The following UBAP1 variants were observed in gnomAD, a reference collection of about 807,000 sequenced individuals.
The protein encoded by UBAP1 is ubiquitin-associated protein 1.
In UBAP1, 5 loss-of-function variants were observed where a neutral mutation model predicts 39.0. The observed-to-expected ratio is 0.13, with a 90% confidence interval of 0.07 to 0.27. The LOEUF (loss-of-function observed/expected upper bound fraction) is 0.27, where lower values mean the gene tolerates loss of function less well. UBAP1 is among the 10% of genes least tolerant of loss of function. The pLI is 1.00. For missense variants in UBAP1, 490 were observed against 608.1 expected, an observed-to-expected ratio of 0.81 and a Z score of 2.04; for synonymous variants, 211 against 225.1, an observed-to-expected ratio of 0.94 and a Z score of 0.56.
At chr9:34,192,752 T>A (rs562123198) in intron 1 of UBAP1, among the ~76,000 whole-genome samples, 1 of 152,210 alleles carries the variant, frequency 6.6e-6, no homozygotes, top group South Asian at 2.1e-4. Context: ...TGTATTTTTT[T>A]AAAATCACAA....
intron 4 of UBAP1, among the ~76,000 whole-genome samples, chr9:34,243,197 A>G (rs78818706): frequency 1.3e-5 from 2 of 152,196 alleles, no homozygotes; most frequent in African/African-American, 2.4e-5. Flanking sequence ...GGTACTTTGA[A>G]TGCTTTAGAG....
intron 2 of UBAP1, among the ~76,000 whole-genome samples, chr9:34,227,490 A>G (rs1164642384): frequency 6.6e-6 from 1 of 152,192 alleles, no homozygotes; most frequent in South Asian, 2.1e-4. Flanking sequence ...GCTATCCTCT[A>G]TTGGGGATTT....
intron 2 of UBAP1, among the ~76,000 whole-genome samples, chr9:34,222,624 G>A (rs58037288): frequency 0.033 from 5,003 of 152,066 alleles, 204 homozygotes; most frequent in East Asian, 0.15. Context: ...GTGAGACGCT[G>A]TCTCTACAAA....
intron 3 of UBAP1, 102 bp downstream of exon 3, chr9:34,234,442 C>G: frequency 1.5e-6 from 2 of 1,359,828 alleles, no homozygotes; most frequent in Non-Finnish European, 2.0e-6. Context: ...TGAGCTGAAT[C>G]ATGTTTTGGT....
chr9:34,202,725 A>C (rs1451971889), intron 1 of UBAP1, among the ~76,000 whole-genome samples: 1 of 148,804 alleles, frequency 6.7e-6, no homozygotes. Context: ...CAGCCCCAAT[A>C]ACTGTCAATC....
chr9:34,241,216 A>G lies in UBAP1; in HGVS notation c.191A>G (p.Glu64Gly). ...TTCTCTTTGGAAAAGAAAACCATTG[A>G]GTGGGCTGAAGAGATTAAGAAAATC... Reference protein sequence around the residue: ...YDFSLEKKTIEWAEEIKKIEE... With the variant: ...YDFSLEKKTIGWAEEIKKIEE... The change falls in exon 4 of 7, where the codon GAG (glutamate) becomes GGG (glycine). Residue 64 changes from glutamate (E) to glycine (G), a missense_variant. Glu to Gly is a moderately conservative substitution (Grantham distance 98). Transcript: ENST00000297661. 6.8e-7 allele frequency: 1 copy of G among 1,467,850 alleles called. No individual in the cohort carries two copies. Among genetic ancestry groups the G allele is most frequent in the Non-Finnish European group, 9.0e-7 (1 of 1,108,602 alleles). The allele number at this position is 1,467,850 out of a possible 1,614,324, so 90.9% of individuals were successfully genotyped here.
chr9:34,213,229 G>C (rs1412480144), intron 1 of UBAP1, among the ~76,000 whole-genome samples: 1 of 152,198 alleles, frequency 6.6e-6, no homozygotes, highest in Non-Finnish European at 1.5e-5. Flanking sequence ...CTCTGGGCCA[G>C]GTGCAGTGGC....
At chr9:34,211,390 A>C (rs1259501798) in intron 1 of UBAP1, among the ~76,000 whole-genome samples, 1 of 152,180 alleles carries the variant, frequency 6.6e-6, no homozygotes, top group Admixed American at 6.5e-5. Flanking sequence ...ATGATTCCCA[A>C]AGCCATCTTT....
chr9:34,222,093 G>T (rs1832791255), intron 2 of UBAP1, among the ~76,000 whole-genome samples: 1 of 152,102 alleles, frequency 6.6e-6, no homozygotes, highest in Non-Finnish European at 1.5e-5. Flanking sequence ...CTGCACTCCA[G>T]CCTGGGTGAC....
chr9:34,221,478 C>T (rs778173267), intron 2 of UBAP1, among the ~76,000 whole-genome samples: 6 of 150,246 alleles, frequency 4.0e-5, no homozygotes, highest in East Asian at 2.0e-4. Flanking sequence ...TGCAGTGAGC[C>T]GAGATCGCAC....
intron 1 of UBAP1, among the ~76,000 whole-genome samples, chr9:34,205,321 C>G (rs1423350898): frequency 6.6e-6 from 1 of 152,180 alleles, no homozygotes; most frequent in Admixed American, 6.5e-5. Flanking sequence ...CTGGCTAATG[C>G]TTTGAAGTCA....
At chr9:34,226,254 G>T (rs1833099352) in intron 2 of UBAP1, among the ~76,000 whole-genome samples, 1 of 146,782 alleles carries the variant, frequency 6.8e-6, no homozygotes, top group South Asian at 2.2e-4. Context: ...TTTTGAGATG[G>T]AGTCCCGCTC....
At chr9:34,215,319 G>A (rs2131563212) in intron 1 of UBAP1, among the ~76,000 whole-genome samples, 1 of 150,940 alleles carries the variant, frequency 6.6e-6, no homozygotes, top group South Asian at 2.1e-4. Flanking sequence ...ATGTATATAT[G>A]TGTCATATAT....
At chr9:34,215,828 G>T (rs1261973708) in intron 1 of UBAP1, among the ~76,000 whole-genome samples, 1 of 151,830 alleles carries the variant, frequency 6.6e-6, no homozygotes, top group African/African-American at 2.4e-5. Flanking sequence ...ACCCTAAATA[G>T]GTATTAAAAT....
At chr9:34,204,006 A>T (rs1349825434) in intron 1 of UBAP1, among the ~76,000 whole-genome samples, 1 of 152,228 alleles carries the variant, frequency 6.6e-6, no homozygotes, top group Non-Finnish European at 1.5e-5. Flanking sequence ...AGCTTCTAGT[A>T]TGATAACTTT....
chr9:34,218,250 CAAAAAAAAAAAAAAAAAAAAAAAAAAAAA>C (rs758443973), intron 1 of UBAP1, among the ~76,000 whole-genome samples: 15 of 49,520 alleles, frequency 3.0e-4, no homozygotes, highest in African/African-American at 8.5e-4. Context: ...GACTCCATCT[CAAAAAAAAAAAAAAAAAAAAAAAAAAAAA>C]AAAAAAAAAA....
intron 3 of UBAP1, among the ~76,000 whole-genome samples, chr9:34,239,669 T>G (rs1006724552): frequency 6.6e-6 from 1 of 152,200 alleles, no homozygotes; most frequent in African/African-American, 2.4e-5. Context: ...GTAATAGCTA[T>G]ATAATCTTGG....
chr9:34,181,068 C>T (rs1416705504), intron 1 of UBAP1, among the ~76,000 whole-genome samples: 1 of 149,658 alleles, frequency 6.7e-6, no homozygotes, highest in African/African-American at 2.5e-5. Flanking sequence ...CCTTGGTCTC[C>T]GAAAGTGCTG....
At chr9:34,243,846 A>G (rs143686860) in intron 4 of UBAP1, among the ~76,000 whole-genome samples, 33 of 149,766 alleles carry the variant, frequency 2.2e-4, no homozygotes, top group African/African-American at 7.4e-4. Context: ...ATCTTATTCT[A>G]TTTTTTTCTT....
Sources: gnomAD v4.1 joint callset for allele counts (sites outside exome capture counted in the v4.1 genomes callset) on GRCh38, gnomAD v4.1.1 for gene constraint, MANE v1.5 for transcripts, NCBI Gene and HGNC (gene_info 2026-07-23, HGNC 2026-07-21) for gene names.